Variants in HUWE1 observed in about 807,000 individuals in gnomAD.
The protein encoded by HUWE1 is E3 ubiquitin-protein ligase HUWE1.
A neutral mutation model predicts 299.4 loss-of-function variants in HUWE1; 18 were observed. The observed-to-expected ratio is 0.06, with a 90% CI of 0.04 to 0.09. The LOEUF (loss-of-function observed/expected upper bound fraction) is 0.09, where lower values mean the gene tolerates loss of function less well. Ranked by LOEUF, HUWE1 falls within the 10% of genes least tolerant of loss-of-function variation. The pLI is 1.00. For missense variants in HUWE1, 1,832 were observed against 3,462.3 expected (o/e 0.53, Z 11.82); for synonymous variants, 1,317 against 1,286.1 (o/e 1.02, Z -0.51).
chrX:53,680,499 T>C (rs782637774), intron 2 of HUWE1: 1 of 119,309 alleles, frequency 8.4e-6, no homozygotes, highest in Non-Finnish European at 1.7e-5. Flanking sequence ...TAAGGACGTA[T>C]TTGTTTCATT....
chrX:53,549,604 G>A, intron 66 of HUWE1, 99 bp from the exon 67 acceptor site: 1 of 743,570 alleles, frequency 1.3e-6, no homozygotes, highest in Non-Finnish European at 2.0e-6. Context: ...TATCTCCAAG[G>A]AGGCTTGAGA....
chrX:53,681,153 C>T (rs1273382941), intron 2 of HUWE1, among the ~76,000 whole-genome samples: 10 of 110,924 alleles, frequency 9.0e-5, no homozygotes, highest in African/African-American at 3.3e-4. Context: ...TTGGTCTAAT[C>T]AATATATTAA....
At chrX:53,628,163 T>A (rs1021908647) in intron 15 of HUWE1, among the ~76,000 whole-genome samples, 1 of 111,267 alleles carries the variant, frequency 9.0e-6, no homozygotes, top group East Asian at 2.8e-4. Flanking sequence ...CTATTACTAC[T>A]ACAACACAAC....
intron 46 of HUWE1, among the ~76,000 whole-genome samples, chrX:53,574,505 A>G (rs1388935502): frequency 1.8e-5 from 2 of 112,617 alleles, no homozygotes; most frequent in Non-Finnish European, 3.8e-5. Context: ...TGTCCAATAT[A>G]GTCTGCCACA....
At position 53,548,115 on chromosome X, in the gene HUWE1, C is replaced by A. The variant is rs1556924928; in HGVS notation, c.10194G>T (p.Met3398Ile). The change falls in exon 68 of 84, where the codon ATG (methionine) becomes ATT (isoleucine). Residue 3398 changes from methionine to isoleucine, a missense_variant. By Grantham distance (10) the Met-to-Ile change is conservative. Transcript: ENST00000262854. The part of the protein sequence containing the change: ...FWDLLVKLDN[M>I]NVSRKGKNSV... ...AGTTCTTGCCTTTCCGGCTGACATT[C>A]ATGTTGTCCAGTTTTACCAATAAGT... 8.3e-7 allele frequency: 1 copy of A among 1,206,810 alleles called. No homozygotes were observed. The highest frequency in any genetic ancestry group is 1.1e-6 in the Non-Finnish European group (1 of 893,375).
At chrX:53,579,010 G>A (rs2063428119) in intron 43 of HUWE1, among the ~76,000 whole-genome samples, 4 of 58,232 alleles carry the variant, frequency 6.9e-5, no homozygotes, top group Admixed American at 3.4e-4. Flanking sequence ...CCGGCCAGCC[G>A]CCCCGTCCGG....
intron 72 of HUWE1, among the ~76,000 whole-genome samples, chrX:53,544,230 T>C (rs1297997155): frequency 1.8e-5 from 2 of 111,671 alleles, no homozygotes; most frequent in African/African-American, 6.5e-5. Flanking sequence ...GGAAAATGAT[T>C]TGTCAAGCCA....
In HUWE1 at chrX:53,543,858, G is replaced by A. The variant is rs1556920580; in HGVS notation, c.11362C>T (p.Gln3788Ter). Residue 3788 changes from glutamine (Q) to a stop codon, truncating the protein, a stop_gained, in exon 73 of 84, where the codon CAG becomes TAG. Transcript: ENST00000262854. LOFTEE classifies it high-confidence loss of function. Reference sequence around the variant, plus strand: ...ATGCTAACCGTTGCTGCTTGTTGCTGTCTCCGCGCCCTTTGACCCTCACGT... The same window carrying A: ...ATGCTAACCGTTGCTGCTTGTTGCTATCTCCGCGCCCTTTGACCCTCACGT... ...MVREGQRARR[Q>*]QQAATSESSQ... 1 of 1,211,211 alleles carries A rather than the reference G, an allele frequency of 8.3e-7. No individual in the cohort carries two copies.
intron 2 of HUWE1, among the ~76,000 whole-genome samples, chrX:53,681,361 G>A (rs1205533789): frequency 9.3e-6 from 1 of 107,407 alleles, no homozygotes; most frequent in Non-Finnish European, 1.9e-5. Flanking sequence ...TTGAACCCAG[G>A]AGGCGGAGGT....
chrX:53,618,331 T>C (rs1293674803), intron 19 of HUWE1, among the ~76,000 whole-genome samples: 2 of 108,801 alleles, frequency 1.8e-5, no homozygotes, highest in Non-Finnish European at 3.8e-5. Flanking sequence ...TTTAACTAGA[T>C]ACAGAAAAAA....
intron 44 of HUWE1, 53 bp from the exon 45 acceptor site, chrX:53,575,841 G>A: frequency 8.7e-7 from 1 of 1,152,876 alleles, no homozygotes; most frequent in Non-Finnish European, 1.2e-6. Flanking sequence ...TCTACAATTG[G>A]ACAATGTTAA....
At chrX:53,551,514 G>A (rs977647877) in intron 63 of HUWE1, 34 bp from the exon 64 acceptor site, 16 of 1,120,918 alleles carry the variant, frequency 1.4e-5, no homozygotes, top group Admixed American at 5.1e-5. Flanking sequence ...AGGGATTCAC[G>A]CCTTATTAAT....
At chrX:53,593,263 G>A (rs1004730121) in intron 32 of HUWE1, 101 bp downstream of exon 32, 5 of 616,823 alleles carry the variant, frequency 8.1e-6, no homozygotes, top group African/African-American at 6.6e-5. Flanking sequence ...TGGATCCAGT[G>A]GTTCTTAAAT....
chrX:53,614,101 C>T (rs2065658260), intron 23 of HUWE1, among the ~76,000 whole-genome samples: 1 of 110,615 alleles, frequency 9.0e-6, no homozygotes, highest in Non-Finnish European at 1.9e-5. Context: ...CCCATCTCTA[C>T]TAAAAATACA....
rs182708729 is a variant in HUWE1, at chrX:53,610,665, G to A, written c.2262-1756C>T. On this transcript the variant is annotated intron_variant, in intron 23 of 83. Coordinates refer to ENST00000262854, the MANE Select transcript of HUWE1 (RefSeq NM_031407.7). Reference sequence around the variant, plus strand: ...TATATGGGGTTTTTTGGGATGGGGGGATGGTCAGGTGCTTCCTCCAGCTTT... The same window carrying A: ...TATATGGGGTTTTTTGGGATGGGGGAATGGTCAGGTGCTTCCTCCAGCTTT... 3.8e-3 allele frequency among the ~76,000 whole-genome samples: 420 copies of A among 111,670 alleles called. 3 individuals are homozygous for A. Among genetic ancestry groups the A allele is most frequent in the Non-Finnish European group, 4.0e-3 (211 of 53,095 alleles).
intron 2 of HUWE1, chrX:53,684,152 G>T (rs1474176283): frequency 4.0e-6 from 1 of 249,668 alleles, no homozygotes; most frequent in East Asian, 5.9e-5. Context: ...ACAACCTAAC[G>T]AAGCAGTGAG....
At position 53,568,982 on chromosome X, in the gene HUWE1, C is replaced by A. The variant is rs2062696358; in HGVS notation, c.6525-108G>T. The A allele has an allele frequency of 1.1e-5, 7 of 627,341 alleles. No homozygotes were observed. The South Asian group carries it at 1.8e-4, about 16-fold the overall frequency. 51.7% of individuals were successfully genotyped at this position (627,341 alleles called of 1,213,427 possible). On this transcript the variant is annotated intron_variant, in intron 48 of 83. Coordinates refer to ENST00000262854, the MANE Select transcript of HUWE1 (RefSeq NM_031407.7). Reference sequence around the variant, plus strand: ...CCTCCTGTAACTTTTGTATTTCCTTCTGGAAATAACATCTAAACAAACAGG... The same window carrying A: ...CCTCCTGTAACTTTTGTATTTCCTTATGGAAATAACATCTAAACAAACAGG...
intron 81 of HUWE1, among the ~76,000 whole-genome samples, 180 bp from the exon 82 acceptor site, chrX:53,534,877 C>T (rs1397252718): frequency 9.1e-6 from 1 of 110,406 alleles, no homozygotes; most frequent in Non-Finnish European, 1.9e-5. Context: ...CCTCCTGCCT[C>T]AGCCTCCCAA....
In HUWE1 at chrX:53,546,491, G is replaced by A; in HGVS notation, c.10860C>T (p.Leu3620=). The change falls in exon 70 of 84, where the codon CTC becomes CTT. Residue 3620 remains leucine (L), a synonymous_variant. Transcript: ENST00000262854. Reference sequence around the variant, plus strand: ...GGCGGGCTCCATTCAGTAGCAGCTTGAGAACAGTGTCCCGGGTCCCAGAGT... The same window carrying A: ...GGCGGGCTCCATTCAGTAGCAGCTTAAGAACAGTGTCCCGGGTCCCAGAGT... ...RGDSGTRDTV[L]KLLLNGARHL... The A allele has an allele frequency of 8.3e-7, 1 of 1,210,868 alleles. No homozygotes were observed. Among genetic ancestry groups the A allele is most frequent in the Non-Finnish European group, 1.1e-6 (1 of 894,891 alleles).
Sources: allele counts gnomAD v4.1 joint callset (sites outside exome capture counted in the v4.1 genomes callset), GRCh38; gene constraint gnomAD v4.1.1; transcripts MANE v1.5; gene names NCBI Gene and HGNC (gene_info 2026-07-23, HGNC 2026-07-21).